The following GGNBP2 variants were observed in gnomAD, a reference collection of about 807,000 sequenced individuals.
The protein encoded by GGNBP2 is gametogenetin-binding protein 2.
Under a neutral mutation model 85.9 loss-of-function variants are expected in GGNBP2, and 10 were observed. That is an observed-to-expected ratio of 0.12 (90% CI 0.07 to 0.20). The LOEUF is 0.20. Ranked by LOEUF, GGNBP2 falls within the 10% of genes least tolerant of loss-of-function variation. The pLI is 1.00. For missense variants in GGNBP2, 595 were observed against 857.8 expected (o/e 0.69, Z 3.83); for synonymous variants, 287 against 285.7 (o/e 1.00, Z -0.05).
rs527746056 is a variant in GGNBP2, at chr17:36,573,068, T to A, written c.642-4915T>A. 1.7e-3 allele frequency among the ~76,000 whole-genome samples: 252 copies of A among 152,282 alleles called. 2 individuals are homozygous for A. Among genetic ancestry groups the A allele is most frequent in the Non-Finnish European group, 2.5e-3 (168 of 68,022 alleles). On this transcript the variant is annotated intron_variant, in intron 6 of 13. Coordinates refer to ENST00000613102, the MANE Select transcript of GGNBP2 (RefSeq NM_024835.5). ...GAATAATGTCACAATACTGTGACAT[T>A]ATTTAAAAATGGGCAGTGTCATAGT... is the stretch of plus-strand genomic sequence containing the variant.
At chr17:36,556,762 T>TC (rs2074365905) in intron 3 of GGNBP2, among the ~76,000 whole-genome samples, 2 of 120,448 alleles carry the variant, frequency 1.7e-5, no homozygotes, top group Non-Finnish European at 3.4e-5. Context: ...TTTTTTTTTT[T>TC]TTTTTTTTTT....
At chr17:36,584,549 G>C (rs1165456379) in intron 9 of GGNBP2, among the ~76,000 whole-genome samples, 1 of 152,154 alleles carries the variant, frequency 6.6e-6, no homozygotes, top group Non-Finnish European at 1.5e-5. Context: ...TCTTGGCTAG[G>C]CTGGTTTTGA....
intron 13 of GGNBP2, chr17:36,587,578 T>A: frequency 4.1e-6 from 1 of 243,538 alleles, no homozygotes; most frequent in Non-Finnish European, 8.2e-6. Flanking sequence ...AAACCCTTTG[T>A]AAAGTTAAAA....
In GGNBP2 at chr17:36,583,024, A is replaced by G. The variant is rs572870039; in HGVS notation, c.1215+1486A>G. ...TATACTATATATATTTTTTGCAAAT[A>G]TCTTTAATGTTCATCTTAAAAGGAA... On this transcript the variant is annotated intron_variant, in intron 9 of 13. Coordinates refer to ENST00000613102, the MANE Select transcript of GGNBP2 (RefSeq NM_024835.5). Among the ~76,000 whole-genome samples, 27 of 152,294 alleles carry G rather than the reference A, an allele frequency of 1.8e-4. No homozygotes were observed. In the South Asian group the frequency reaches 5.6e-3, roughly 32 times the overall value.
chr17:36,556,395 TGTCAAAACAA>T (rs1383268625), intron 3 of GGNBP2, among the ~76,000 whole-genome samples: 17 of 152,120 alleles, frequency 1.1e-4, no homozygotes, highest in African/African-American at 3.6e-4. Context: ...TGTTAAAAGT[TGTCAAAACAA>T]AACAAAACAA....
chr17:36,559,510 A>G (rs1299413853), intron 4 of GGNBP2, among the ~76,000 whole-genome samples: 4 of 152,168 alleles, frequency 2.6e-5, no homozygotes, highest in Non-Finnish European at 5.9e-5. Flanking sequence ...AGAGGTCTGA[A>G]AAGTAAACCC....
At chr17:36,565,984 A>G (rs2074464572) in intron 5 of GGNBP2, among the ~76,000 whole-genome samples, 1 of 152,232 alleles carries the variant, frequency 6.6e-6, no homozygotes, top group Non-Finnish European at 1.5e-5. Context: ...AAGGGGAGCT[A>G]AACCTTGGCC....
At chr17:36,575,144 A>G in intron 6 of GGNBP2, 1 of 695,712 alleles carries the variant, frequency 1.4e-6, no homozygotes, top group Non-Finnish European at 2.6e-6. Flanking sequence ...CAGGCGGCCC[A>G]GCTTGGTGAT....
intron 13 of GGNBP2, among the ~76,000 whole-genome samples, chr17:36,588,782 T>G (rs2074729454): frequency 6.6e-6 from 1 of 152,132 alleles, no homozygotes; most frequent in South Asian, 2.1e-4. Flanking sequence ...GTTTAAAAGT[T>G]TTAATGGTTG....
At chr17:36,566,773 T>C (rs1463078515) in intron 5 of GGNBP2, among the ~76,000 whole-genome samples, 5 of 152,180 alleles carry the variant, frequency 3.3e-5, no homozygotes, top group South Asian at 4.1e-4. Context: ...GTAAAACTTA[T>C]TCACTGTAAT....
chr17:36,588,945 G>A (rs185971449), intron 13 of GGNBP2, among the ~76,000 whole-genome samples: 1 of 150,548 alleles, frequency 6.6e-6, no homozygotes, highest in African/African-American at 2.5e-5. Flanking sequence ...TCAAGGCCAA[G>A]GTATGGTGGT....
At chr17:36,584,685 A>G (rs2074683178) in intron 9 of GGNBP2, among the ~76,000 whole-genome samples, 1 of 152,236 alleles carries the variant, frequency 6.6e-6, no homozygotes, top group Non-Finnish European at 1.5e-5. Context: ...GTGGAGGCTC[A>G]TGCCTGTAAT....
At chr17:36,553,501 A>AGCAGGTCTCTGGTGCTGGTTGGG (rs2074331048) in intron 2 of GGNBP2, among the ~76,000 whole-genome samples, 1 of 152,242 alleles carries the variant, frequency 6.6e-6, no homozygotes, top group Admixed American at 6.5e-5. Context: ...CTATTAAAGA[A>AGCAGGTCTCTGGTGCTGGTTGGG]GCAGGTCTCT....
At position 36,549,211 on chromosome 17, in the gene GGNBP2, T is replaced by G. The variant is rs1046922221; in HGVS notation, c.93+3394T>G. 2.0e-5 allele frequency among the ~76,000 whole-genome samples: 3 copies of G among 152,210 alleles called. No individual in the cohort carries two copies. In the East Asian group the frequency reaches 5.8e-4, roughly 29 times the overall value. ...AGAGAAATCTGAAGAATTAAAGTTT[T>G]TTTTTTTTTGAGACACAGTCTCGCT... On this transcript the variant is annotated intron_variant, in intron 2 of 13. Coordinates refer to ENST00000613102, the MANE Select transcript of GGNBP2 (RefSeq NM_024835.5).
chr17:36,549,376 T>G (rs1416363886), intron 2 of GGNBP2, among the ~76,000 whole-genome samples: 1 of 152,208 alleles, frequency 6.6e-6, no homozygotes, highest in African/African-American at 2.4e-5. Context: ...CTAATTTTTT[T>G]GTATTTTTAG....
rs2074689666 is a variant in GGNBP2, at chr17:36,585,292, C to G, written c.1216-8C>G. On this transcript the variant is annotated splice_region_variant and splice_polypyrimidine_tract_variant and intron_variant, in intron 9 of 13. Coordinates refer to ENST00000613102, the MANE Select transcript of GGNBP2 (RefSeq NM_024835.5). ...CTCTTGACTCTCTCTTAATGTTGAT[C>G]CTTAAAGGAAACAGACTTCATAGAA... 10 of 1,609,914 alleles carry G rather than the reference C, an allele frequency of 6.2e-6. No homozygotes were observed. The highest frequency in any genetic ancestry group is 8.5e-6 in the Non-Finnish European group (10 of 1,178,272).
intron 3 of GGNBP2, among the ~76,000 whole-genome samples, chr17:36,556,339 A>G (rs2074360632): frequency 2.6e-5 from 4 of 152,188 alleles, no homozygotes; most frequent in Admixed American, 2.6e-4. Flanking sequence ...TATGATTACC[A>G]TCCTAACTTG....
intron 6 of GGNBP2, chr17:36,575,146 C>A: frequency 1.4e-6 from 1 of 691,114 alleles, no homozygotes; most frequent in East Asian, 2.6e-5. Flanking sequence ...GGCGGCCCAG[C>A]TTGGTGATAG....
chr17:36,566,217 G>C (rs2074467176), intron 5 of GGNBP2, among the ~76,000 whole-genome samples: 1 of 152,210 alleles, frequency 6.6e-6, no homozygotes, highest in South Asian at 2.1e-4. Flanking sequence ...CAAGAAGGCT[G>C]TGATTGAATG....
Sources: allele counts gnomAD v4.1 joint callset (sites outside exome capture counted in the v4.1 genomes callset), GRCh38; gene constraint gnomAD v4.1.1; transcripts MANE v1.5; gene names NCBI Gene and HGNC (gene_info 2026-07-23, HGNC 2026-07-21).